The following ADGRV1 variants were observed in gnomAD, a reference collection of about 807,000 sequenced individuals.
ADGRV1 encodes the protein adhesion G protein-coupled receptor V1, also known as G-protein coupled receptor 98.
ADGRV1 carries 359 observed loss-of-function variants against 596.2 expected under a neutral mutation model. The observed-to-expected ratio is 0.60, with a 90% CI of 0.55 to 0.66. The LOEUF (loss-of-function observed/expected upper bound fraction) is 0.66. Ranked by LOEUF, ADGRV1 falls within the 30% of genes least tolerant of loss-of-function variation. ADGRV1 has a pLI of 0.00. For synonymous variants in ADGRV1, 2,681 were observed against 2,679.2 expected, an observed-to-expected ratio of 1.00 and a Z score of -0.02; for missense variants, 7,274 against 7,575.6, an observed-to-expected ratio of 0.96 and a Z score of 1.48.
intron 83 of ADGRV1, among the ~76,000 whole-genome samples, chr5:90,964,741 A>AATGCAAAT (rs1188792469): frequency 6.6e-6 from 1 of 151,782 alleles, no homozygotes; most frequent in Non-Finnish European, 1.5e-5. Flanking sequence ...AAAAAAAAAA[A>AATGCAAAT]ATGCAAATTA....
chr5:90,720,823 G>A (rs1249793634), intron 44 of ADGRV1, 112 bp from the exon 45 acceptor site: 1 of 817,666 alleles, frequency 1.2e-6, no homozygotes, highest in African/African-American at 1.8e-5. Context: ...ATCTCATCTT[G>A]GATTGTGTAA....
At chr5:90,559,039 G>A in intron 1 of ADGRV1, 122 bp downstream of exon 1, 1 of 803,820 alleles carries the variant, frequency 1.2e-6, no homozygotes, top group Non-Finnish European at 1.8e-6. Context: ...CCACAGCCGG[G>A]CCCAGGGAGG....
chr5:90,643,926 GT>G lies in ADGRV1; in HGVS notation c.2680del (p.Ser894LeufsTer4), dbSNP rs1580567084. The G allele has an allele frequency of 1.9e-6, 3 of 1,612,348 alleles. No individual in the cohort carries two copies. The highest frequency in any genetic ancestry group is 2.5e-6 in the Non-Finnish European group (3 of 1,178,880). On this transcript the variant is annotated frameshift_variant, in exon 14 of 90. Transcript: ENST00000405460. LOFTEE classifies it high-confidence loss of function. ...TGATCCTCATGGCATTATAGAATTT[GT>G]TTCTGATGGTCTAATTGTGATGATA... Reference protein sequence around the residue: ...NDDPHGIIEFVSDGLIVMINE... With the variant: ...NDDPHGIIEFXSDGLIVMINE...
intron 75 of ADGRV1, 52 bp from the exon 76 acceptor site, chr5:90,823,373 G>A (rs1763773705): frequency 2.6e-6 from 4 of 1,552,380 alleles, no homozygotes; most frequent in Non-Finnish European, 3.5e-6. Context: ...AACTCTATTA[G>A]ACATGGGGAT....
chr5:90,607,186 T>C (rs948965896), intron 1 of ADGRV1, among the ~76,000 whole-genome samples: 1 of 152,176 alleles, frequency 6.6e-6, no homozygotes, highest in African/African-American at 2.4e-5. Context: ...AGTGATTCTC[T>C]TAGCAGATCC....
intron 45 of ADGRV1, among the ~76,000 whole-genome samples, chr5:90,721,531 A>AAAATAAAATAAAATAAAATAAAATT (rs1314967115): frequency 1.2e-5 from 1 of 82,642 alleles, no homozygotes; most frequent in African/African-American, 4.7e-5. Flanking sequence ...AAATAAAAAT[A>AAAATAAAATAAAATAAAATAAAATT]AAAATAAAAT....
chr5:90,781,387 G>A lies in ADGRV1; in HGVS notation c.13083-43G>A, dbSNP rs370093668. 13 of 1,415,576 alleles carry A rather than the reference G, an allele frequency of 9.2e-6. No individual in the cohort carries two copies. The African/African-American group carries it at 9.9e-5, about 11-fold the overall frequency. 87.7% of individuals were successfully genotyped at this position (1,415,576 alleles called of 1,614,324 possible). A position where few individuals can be genotyped will look rare whatever the true frequency, so the allele number is the denominator to read the frequency against. On this transcript the variant is annotated intron_variant, in intron 64 of 89. Coordinates refer to ENST00000405460, the MANE Select transcript of ADGRV1 (RefSeq NM_032119.4). ...GCTATGCAATTATGTATTTTTTGTT[G>A]TTGTTGTATTTTATTTTATTTTGAT...
intron 24 of ADGRV1, among the ~76,000 whole-genome samples, chr5:90,675,803 A>G (rs182745786): frequency 1.1e-4 from 16 of 152,278 alleles, no homozygotes; most frequent in African/African-American, 3.9e-4. Flanking sequence ...TAAAAAAAGA[A>G]AAAAGAAAAA....
At chr5:90,820,211 C>G (rs1367647001) in intron 75 of ADGRV1, among the ~76,000 whole-genome samples, 2 of 147,576 alleles carry the variant, frequency 1.4e-5, no homozygotes, top group South Asian at 2.2e-4. Context: ...GGTTTAAAGT[C>G]TGTTTTATCA....
intron 1 of ADGRV1, among the ~76,000 whole-genome samples, chr5:90,595,737 C>A (rs867804699): frequency 7.7e-6 from 1 of 129,186 alleles, no homozygotes; most frequent in Non-Finnish European, 1.6e-5. Context: ...TAGGGGCGGC[C>A]GGGCAGAGGC....
intron 87 of ADGRV1, 21 bp from the exon 88 acceptor site, chr5:91,150,009 C>CTTTTTTTTTTTTT: frequency 2.3e-6 from 3 of 1,288,698 alleles, no homozygotes; most frequent in Admixed American, 2.7e-5. Context: ...CTTTTCTTTT[C>CTTTTTTTTTTTTT]TTTTTTTTTT....
chr5:90,918,350 A>G (rs1773570320), intron 83 of ADGRV1, among the ~76,000 whole-genome samples: 1 of 152,198 alleles, frequency 6.6e-6, no homozygotes. Flanking sequence ...AAATGATCCA[A>G]ACATCTATTT....
Position 90,781,413 on chromosome 5 carries a change from T to C in ADGRV1, c.13083-17T>C, listed in dbSNP as rs1758831189. ...TTGTTGTATTTTATTTTATTTTGAT[T>C]TGTATGACTTTGGAAGAGGGTATGA... On this transcript the variant is annotated splice_polypyrimidine_tract_variant and intron_variant, in intron 64 of 89. Transcript: ENST00000405460. The C allele has an allele frequency of 1.9e-6, 3 of 1,566,080 alleles. No homozygotes were observed. The highest frequency in any genetic ancestry group is 1.7e-6 in the Non-Finnish European group (2 of 1,144,580).
chr5:90,671,320 G>A (rs541249671), intron 21 of ADGRV1, among the ~76,000 whole-genome samples: 1 of 152,318 alleles, frequency 6.6e-6, no homozygotes, highest in Non-Finnish European at 1.5e-5. Flanking sequence ...TTCTGGTTCT[G>A]GCAGTGGGGC....
chr5:90,599,916 T>C (rs1433142873), intron 1 of ADGRV1, among the ~76,000 whole-genome samples: 5 of 152,226 alleles, frequency 3.3e-5, no homozygotes, highest in African/African-American at 9.6e-5. Flanking sequence ...GGTTGCAAAT[T>C]AAGGCTCTTA....
At chr5:90,701,146 T>C (rs1046792620) in intron 34 of ADGRV1, among the ~76,000 whole-genome samples, 3 of 152,136 alleles carry the variant, frequency 2.0e-5, no homozygotes, top group Admixed American at 2.0e-4. Flanking sequence ...TCAGACACTT[T>C]GTTATGTAAG....
At chr5:91,043,946 G>C (rs998576677) in intron 85 of ADGRV1, among the ~76,000 whole-genome samples, 1 of 151,510 alleles carries the variant, frequency 6.6e-6, no homozygotes, top group African/African-American at 2.4e-5. Flanking sequence ...TGAACTCCCT[G>C]TTTCTTCAAA....
intron 50 of ADGRV1, among the ~76,000 whole-genome samples, chr5:90,744,202 G>A (rs942895830): frequency 1.3e-5 from 2 of 151,684 alleles, no homozygotes; most frequent in Admixed American, 6.6e-5. Context: ...GCCGGGTCTC[G>A]AACCCCTGGG....
At chr5:91,041,415 T>C (rs533936915) in intron 85 of ADGRV1, among the ~76,000 whole-genome samples, 1 of 151,854 alleles carries the variant, frequency 6.6e-6, no homozygotes, top group South Asian at 2.1e-4. Context: ...ATGTTCTCAC[T>C]CATAAGTGGG....
Sources: gnomAD v4.1 joint callset for allele counts (sites outside exome capture counted in the v4.1 genomes callset) on GRCh38, gnomAD v4.1.1 for gene constraint, MANE v1.5 for transcripts, NCBI Gene and HGNC (gene_info 2026-07-23, HGNC 2026-07-21) for gene names.